MDM1: variants seen among roughly 807,000 people sequenced by gnomAD.
MDM1 encodes the protein stabilizer of axonemal microtubules 6.
Under a neutral mutation model 89.1 loss-of-function variants are expected in MDM1, and 61 were observed. That is an observed-to-expected ratio of 0.68 (90% CI 0.56 to 0.85). The LOEUF (loss-of-function observed/expected upper bound fraction) is 0.85, where lower values mean the gene tolerates loss of function less well. Ranked by LOEUF, MDM1 falls within the 40% of genes least tolerant of loss-of-function variation. MDM1 has a pLI of 0.00. For synonymous variants in MDM1, 290 were observed against 294.1 expected, an observed-to-expected ratio of 0.99 and a Z score of 0.14; for missense variants, 820 against 846.5, an observed-to-expected ratio of 0.97 and a Z score of 0.39.
chr12:68,314,999 TG>T lies in MDM1; in HGVS notation c.1477del (p.Gln493LysfsTer15). 1 of 1,614,180 alleles carries T rather than the reference TG, an allele frequency of 6.2e-7. No individual in the cohort carries two copies. Among genetic ancestry groups the T allele is most frequent in the South Asian group, 1.1e-5 (1 of 91,080 alleles). On this transcript the variant is annotated frameshift_variant, in exon 10 of 15. Coordinates refer to ENST00000682720, the MANE Select transcript of MDM1 (RefSeq NM_001354969.2). LOFTEE classifies it high-confidence loss of function. ...TTTCTCACGTACATCCAACTTCTCT[TG>T]CTCTCCCATAAAAGCCTGCTTGCCC... is the stretch of plus-strand genomic sequence containing the variant. ...KTGKQAFMGE[Q>X]EKLDVREKSK... is the part of the protein sequence containing the mutation.
At chr12:68,305,841 T>A (rs986538275) in intron 12 of MDM1, among the ~76,000 whole-genome samples, 4 of 150,256 alleles carry the variant, frequency 2.7e-5, no homozygotes, top group African/African-American at 9.8e-5. Context: ...ACTTACAGAT[T>A]CAATGCAATT....
At position 68,323,394 on chromosome 12, in the gene MDM1, TC is replaced by T. The variant is rs1875505133; in HGVS notation, c.634-155del. The T allele has an allele frequency of 1.2e-5, 7 of 566,422 alleles. No homozygotes were observed. The South Asian group carries it at 1.7e-4, about 14-fold the overall frequency. 35.1% of individuals were successfully genotyped at this position (566,422 alleles called of 1,614,324 possible). ...TTTCATTTCACATATATTATTAACA[TC>T]CAAAGGTCAACTTTATGTACTCATT... On this transcript the variant is annotated intron_variant, in intron 4 of 14. Transcript: ENST00000682720.
rs1874274557 is a variant in MDM1 at position 68,315,050 on chromosome 12, T to C, written c.1427A>G (p.Asn476Ser). The C allele has an allele frequency of 6.2e-7, 1 of 1,614,192 alleles. No homozygotes were observed. Among genetic ancestry groups the C allele is most frequent in the East Asian group, 2.2e-5 (1 of 44,890 alleles). The change falls in exon 10 of 15, where the codon AAT (asparagine) becomes AGT (serine). Residue 476 changes from asparagine to serine, a missense_variant. Transcript: ENST00000682720. Reference protein sequence around the residue: ...QPGEKEEEDDNEEEGDRKTGK... With the variant: ...QPGEKEEEDDSEEEGDRKTGK... Reference sequence around the variant, plus strand: ...CGTTTTCCTGTCCCCTTCCTCTTCATTGTCGTCCTCCTCCTCTTTCTCCCC... The same window carrying C: ...CGTTTTCCTGTCCCCTTCCTCTTCACTGTCGTCCTCCTCCTCTTTCTCCCC...
chr12:68,301,160 C>T (rs1872099129), intron 13 of MDM1, among the ~76,000 whole-genome samples: 1 of 152,130 alleles, frequency 6.6e-6, no homozygotes, highest in Non-Finnish European at 1.5e-5. Context: ...AAAAGCAATG[C>T]TAAAAGTTTA....
chr12:68,298,149 T>C (rs570653700), intron 13 of MDM1, among the ~76,000 whole-genome samples: 33 of 152,226 alleles, frequency 2.2e-4, no homozygotes, highest in African/African-American at 7.0e-4. Flanking sequence ...CATTATATCA[T>C]CTCTAGGTAG....
intron 9 of MDM1, among the ~76,000 whole-genome samples, chr12:68,315,528 T>A (rs1352265366): frequency 6.6e-6 from 1 of 152,250 alleles, no homozygotes; most frequent in African/African-American, 2.4e-5. Flanking sequence ...CTTGTGTACA[T>A]CTGCTGACAC....
chr12:68,315,418 A>G (rs1287198715), intron 9 of MDM1, among the ~76,000 whole-genome samples, 153 bp from the exon 10 acceptor site: 1 of 152,236 alleles, frequency 6.6e-6, no homozygotes, highest in East Asian at 1.9e-4. Context: ...AAGGAAATCT[A>G]ATTCGTTTTA....
chr12:68,315,208 T>C lies in MDM1; in HGVS notation c.1269A>G (p.Lys423=), dbSNP rs539412974. 13 of 1,614,222 alleles carry C rather than the reference T, an allele frequency of 8.1e-6. No individual in the cohort carries two copies. In the South Asian group the frequency reaches 1.4e-4, roughly 18 times the overall value. ...QKCPSTEPEE[K]GNIVEEQPQK... ...GGGGCTGTTCTTCCACGATATTTCC[T>C]TTTTCTTCTGGTTCTGTAGAAGGAC... is the stretch of plus-strand genomic sequence containing the variant. Residue 423 remains lysine, a synonymous_variant, in exon 10 of 15, where the codon AAA becomes AAG. Transcript: ENST00000682720.
At chr12:68,299,703 G>A (rs898378299) in intron 13 of MDM1, among the ~76,000 whole-genome samples, 2 of 152,170 alleles carry the variant, frequency 1.3e-5, no homozygotes, top group Admixed American at 1.3e-4. Flanking sequence ...ACAACCAAAT[G>A]TAAGAATAAA....
At chr12:68,316,666 T>G (rs1006112801) in intron 7 of MDM1, 56 bp from the exon 8 acceptor site, 32 of 1,283,830 alleles carry the variant, frequency 2.5e-5, no homozygotes, top group Non-Finnish European at 3.1e-5. Context: ...TAATTGAATA[T>G]TAATGGGAAT....
At position 68,331,166 on chromosome 12, in the gene MDM1, G is replaced by A; in HGVS notation, c.74C>T (p.Ser25Phe). ...CTTTCGCCCCACGGAGGAATTACAA[G>A]ACTCGGACAAATAAGACTTTTTCCA... ...FLWKKSYLSE[S>F]CNSSVGRKYP... is the part of the protein sequence containing the mutation. Residue 25 changes from serine to phenylalanine, a missense_variant, in exon 2 of 15, where the codon TCT becomes TTT. Coordinates refer to ENST00000682720, the MANE Select transcript of MDM1 (RefSeq NM_001354969.2). 1 of 1,612,380 alleles carries A rather than the reference G, an allele frequency of 6.2e-7. No homozygotes were observed. Among genetic ancestry groups the A allele is most frequent in the Non-Finnish European group, 8.5e-7 (1 of 1,178,414 alleles).
At chr12:68,331,060 T>A in intron 2 of MDM1, 47 bp downstream of exon 2, 3 of 1,122,222 alleles carry the variant, frequency 2.7e-6, no homozygotes, top group Non-Finnish European at 4.1e-6. Flanking sequence ...TGGCCCAAGT[T>A]ATAAACTTAG....
rs868797129 is a variant in MDM1 at position 68,315,093 on chromosome 12, C to G, written c.1384G>C (p.Asp462His). The G allele has an allele frequency of 6.2e-7, 1 of 1,614,136 alleles. No individual in the cohort carries two copies. Among genetic ancestry groups the G allele is most frequent in the Middle Eastern group, 1.6e-4 (1 of 6,062 alleles). Residue 462 changes from aspartate (D) to histidine (H), a missense_variant, in exon 10 of 15, where the codon GAC becomes CAC. Coordinates refer to ENST00000682720, the MANE Select transcript of MDM1 (RefSeq NM_001354969.2). The part of the protein sequence containing the change: ...LAWDTENTSE[D>H]VQKQPGEKEE... ...TTCTCCCCGGGCTGTTTCTGTACGT[C>G]TTCACTTGTGTTCTCTGTATCCCAA...
intron 2 of MDM1, among the ~76,000 whole-genome samples, chr12:68,328,058 GA>G (rs1254855767): frequency 6.6e-6 from 1 of 152,158 alleles, no homozygotes; most frequent in Non-Finnish European, 1.5e-5. Context: ...CCACTTTAGA[GA>G]AGAAAGACAC....
In MDM1 at chr12:68,296,996, AGGCAG is replaced by A; in HGVS notation, c.2003-19_2003-15del. 1 of 1,569,168 alleles carries A rather than the reference AGGCAG, an allele frequency of 6.4e-7. No homozygotes were observed. The highest frequency in any genetic ancestry group is 8.6e-7 in the Non-Finnish European group (1 of 1,156,070). ...TTGCTTTTCCCACTTAAAAAAAAAA[AGGCAG>A]AATAAATTATCCTTCAAAAGCCACT... On this transcript the variant is annotated splice_polypyrimidine_tract_variant and intron_variant, in intron 13 of 14. Coordinates refer to ENST00000682720, the MANE Select transcript of MDM1 (RefSeq NM_001354969.2).
In MDM1 at chr12:68,295,275, CTCCT is replaced by C. The variant is rs1178953965; in HGVS notation, c.2150_2153del (p.Lys717ArgfsTer11). 2 of 1,611,900 alleles carry C rather than the reference CTCCT, an allele frequency of 1.2e-6. No individual in the cohort carries two copies. The highest frequency in any genetic ancestry group is 3.3e-5 in the Admixed American group (2 of 59,756). On this transcript the variant is annotated frameshift_variant, in exon 15 of 15. Coordinates refer to ENST00000682720, the MANE Select transcript of MDM1 (RefSeq NM_001354969.2). LOFTEE classifies it high-confidence loss of function. ...AGGTTTATGTTTTACCCCAGAAATT[CTCCT>C]TCCTTTTCTTAGCTCGTGCCAGAGT...
Position 68,313,486 on chromosome 12 carries a change from G to C in MDM1, c.1706C>G (p.Thr569Ser), listed in dbSNP as rs1472257172. The change falls in exon 12 of 15, where the codon ACC (threonine) becomes AGC (serine). Residue 569 changes from threonine (T) to serine (S), a missense_variant. By Grantham distance (58) the Thr-to-Ser change is moderately conservative. Transcript: ENST00000682720. ...TGAAGTTTCTAAACAATCCTGAGAG[G>C]TCATTCTTTTCCTCTGTTCTGGGGC... is the stretch of plus-strand genomic sequence containing the variant. ...PPAPEQRKRM[T>S]SQDCLETSKN... 1.9e-6 allele frequency: 3 copies of C among 1,613,958 alleles called. No homozygotes were observed. In the Admixed American group the frequency reaches 5.0e-5, roughly 27 times the overall value.
At chr12:68,329,896 T>C (rs1030185876) in intron 2 of MDM1, among the ~76,000 whole-genome samples, 7 of 152,218 alleles carry the variant, frequency 4.6e-5, no homozygotes, top group African/African-American at 1.7e-4. Context: ...TGAAATTACA[T>C]GCTTTGCACA....
At chr12:68,325,989 T>C (rs1046166796) in intron 3 of MDM1, 2 of 993,796 alleles carry the variant, frequency 2.0e-6, no homozygotes, top group South Asian at 9.2e-5. Context: ...CCCCAGCTTT[T>C]TCAACAAGCT....
Sources: gnomAD v4.1 joint callset for allele counts (sites outside exome capture counted in the v4.1 genomes callset) on GRCh38, gnomAD v4.1.1 for gene constraint, MANE v1.5 for transcripts, NCBI Gene and HGNC (gene_info 2026-07-23, HGNC 2026-07-21) for gene names.